The following KIF1B variants were observed in gnomAD, a reference collection of about 807,000 sequenced individuals.
The protein encoded by KIF1B is kinesin family member 1B, also known as kinesin-like protein KIF1B.
A neutral mutation model predicts 241.9 loss-of-function variants in KIF1B; 76 were observed. That is an observed-to-expected ratio of 0.31 (90% CI 0.26 to 0.38). The LOEUF is 0.38. Among genes scored for constraint, KIF1B ranks in the 10% least tolerant of loss-of-function variants. The pLI, the probability that KIF1B is intolerant of heterozygous loss-of-function variation, is 1.00. For synonymous variants in KIF1B, 750 were observed against 796.7 expected (o/e 0.94, Z 0.99); for missense variants, 1,622 against 2,271.4 (o/e 0.71, Z 5.81).
At position 10,379,518 on chromosome 1, in the gene KIF1B, T is replaced by C. The variant is rs187545867; in HGVS notation, c.*2931T>C. 5 of 231,942 alleles carry C rather than the reference T, an allele frequency of 2.2e-5. No homozygotes were observed. In the Admixed American group the frequency reaches 2.8e-4, roughly 13 times the overall value. The allele number at this position is 231,942 out of a possible 1,614,324, so 14.4% of individuals were successfully genotyped here. A position where few individuals can be genotyped will look rare whatever the true frequency, so the allele number is the denominator to read the frequency against. On this transcript the variant is annotated 3_prime_UTR_variant, in exon 49 of 49. Coordinates refer to ENST00000676179, the MANE Select transcript of KIF1B (RefSeq NM_001365951.3). ...CCCCACTGTGAGGCTGTGAGAGATT[T>C]GTGGCAGGAACTGTTTATGAGGCTC...
At chr1:10,327,578 G>A (rs1178365014) in intron 27 of KIF1B, among the ~76,000 whole-genome samples, 1 of 151,828 alleles carries the variant, frequency 6.6e-6, no homozygotes, top group Non-Finnish European at 1.5e-5. Context: ...TCACCAAACT[G>A]AGGCATTGTC....
chr1:10,356,108 C>A (rs1435963458), intron 38 of KIF1B, among the ~76,000 whole-genome samples: 1 of 152,192 alleles, frequency 6.6e-6, no homozygotes, highest in Non-Finnish European at 1.5e-5. Flanking sequence ...TGGCTCACAC[C>A]TGTAATCCCA....
chr1:10,257,507 A>T (rs74889870), intron 3 of KIF1B, among the ~76,000 whole-genome samples: 3 of 151,474 alleles, frequency 2.0e-5, no homozygotes, highest in Non-Finnish European at 4.4e-5. Context: ...CTGCAGATCC[A>T]CAAGGGAAAC....
In KIF1B at chr1:10,378,658, C is replaced by T. The variant is rs1049435952; in HGVS notation, c.*2071C>T. 3.8e-6 allele frequency: 2 copies of T among 531,462 alleles called. No individual in the cohort carries two copies. The highest frequency in any genetic ancestry group is 6.8e-6 in the Non-Finnish European group (2 of 295,786). The allele number at this position is 531,462 out of a possible 1,614,324, so 32.9% of individuals were successfully genotyped here. ...GCAAAGGCCAGGGGCTTGCGCGCCT[C>T]TGCAGAGTTGTTGCTAGGGAGACTT... On this transcript the variant is annotated 3_prime_UTR_variant, in exon 49 of 49. Transcript: ENST00000676179.
intron 41 of KIF1B, among the ~76,000 whole-genome samples, chr1:10,364,502 C>T (rs1014975475): frequency 2.3e-5 from 2 of 87,520 alleles, no homozygotes; most frequent in Admixed American, 1.4e-4. Flanking sequence ...TCACGCCCGG[C>T]CCCATAGTGT....
In KIF1B at chr1:10,278,530, T is replaced by C. The variant is rs1159429710; in HGVS notation, c.1180+402T>C. ...CATGGGTTGCTCTGGATTAGTGTCGTGGCAGTAATATAAGAAACGCACCAT... is the reference window on the plus strand; with the variant it reads ...CATGGGTTGCTCTGGATTAGTGTCGCGGCAGTAATATAAGAAACGCACCAT... On this transcript the variant is annotated intron_variant, in intron 13 of 48. Transcript: ENST00000676179. 4 of 240,488 alleles carry C rather than the reference T, an allele frequency of 1.7e-5. No individual in the cohort carries two copies. In the East Asian group the frequency reaches 4.7e-4, roughly 28 times the overall value. 14.9% of individuals were successfully genotyped at this position (240,488 alleles called of 1,614,324 possible). A position where few individuals can be genotyped will look rare whatever the true frequency, so the allele number is the denominator to read the frequency against.
chr1:10,368,748 G>T (rs1237817242), intron 44 of KIF1B, among the ~76,000 whole-genome samples: 1 of 152,158 alleles, frequency 6.6e-6, no homozygotes, highest in East Asian at 1.9e-4. Context: ...GTACTCCTTT[G>T]TGTCTCTTAG....
intron 7 of KIF1B, 89 bp from the exon 8 acceptor site, chr1:10,271,413 A>C: frequency 1.1e-6 from 1 of 942,204 alleles, no homozygotes; most frequent in Admixed American, 1.7e-5. Context: ...TCCATACCTT[A>C]ATCTTTTAAA....
At chr1:10,260,370 G>A (rs1288288406) in intron 4 of KIF1B, among the ~76,000 whole-genome samples, 2 of 152,208 alleles carry the variant, frequency 1.3e-5, no homozygotes, top group Non-Finnish European at 2.9e-5. Flanking sequence ...TGAGCAAGTG[G>A]TGAGTAAATG....
chr1:10,340,535 G>A (rs1381644943), intron 32 of KIF1B, among the ~76,000 whole-genome samples: 3 of 152,204 alleles, frequency 2.0e-5, no homozygotes. Flanking sequence ...TGAGATGACT[G>A]AAGCATAGAG....
chr1:10,296,197 AT>A (rs1650254309), intron 19 of KIF1B, among the ~76,000 whole-genome samples: 1 of 152,220 alleles, frequency 6.6e-6, no homozygotes, highest in Non-Finnish European at 1.5e-5. Context: ...TTTCTGTTAT[AT>A]AAGTCACTCA....
chr1:10,244,315 C>CTTTT (rs571243520), intron 2 of KIF1B, among the ~76,000 whole-genome samples: 1 of 127,538 alleles, frequency 7.8e-6, no homozygotes, highest in Non-Finnish European at 1.7e-5. Context: ...TTTTTCTTTT[C>CTTTT]TTTTTTTTTT....
chr1:10,295,166 G>A lies in KIF1B; in HGVS notation c.1670+1G>A. On this transcript the variant is annotated splice_donor_variant, in intron 18 of 48. Transcript: ENST00000676179. LOFTEE classifies it high-confidence loss of function. ...ATTACATCAAAGATGGAATTACAAG[G>A]TATATTTATTTCCTGTTTTGGTCAC... 6.4e-7 allele frequency: 1 copy of A among 1,564,314 alleles called. No individual in the cohort carries two copies. The highest frequency in any genetic ancestry group is 8.8e-7 in the Non-Finnish European group (1 of 1,134,564).
chr1:10,250,067 T>G (rs1647352622), intron 2 of KIF1B, among the ~76,000 whole-genome samples: 1 of 152,156 alleles, frequency 6.6e-6, no homozygotes, highest in African/African-American at 2.4e-5. Context: ...CACCTTGGCC[T>G]CCTAAAGTGT....
At chr1:10,261,243 C>T (rs899324041) in intron 4 of KIF1B, among the ~76,000 whole-genome samples, 8 of 150,756 alleles carry the variant, frequency 5.3e-5, no homozygotes, top group African/African-American at 2.0e-4. Flanking sequence ...CTGAGATTTA[C>T]AGGCGTGAGC....
At position 10,376,860 on chromosome 1, in the gene KIF1B, C is replaced by CACACAT. The variant is rs896143713; in HGVS notation, c.*278_*279insTACACA. ...ACACACACACACACACACACACACA[C>CACACAT]ACACACATACACAGACAAAAACACA... is the stretch of plus-strand genomic sequence containing the variant. On this transcript the variant is annotated 3_prime_UTR_variant, in exon 49 of 49. Coordinates refer to ENST00000676179, the MANE Select transcript of KIF1B (RefSeq NM_001365951.3). 4.0e-5 allele frequency: 18 copies of CACACAT among 454,550 alleles called. No homozygotes were observed. The highest frequency in any genetic ancestry group is 3.5e-4 in the African/African-American group (18 of 50,908). 28.2% of individuals were successfully genotyped at this position (454,550 alleles called of 1,614,324 possible). A position where few individuals can be genotyped will look rare whatever the true frequency, so the allele number is the denominator to read the frequency against.
intron 1 of KIF1B, among the ~76,000 whole-genome samples, chr1:10,225,343 G>A (rs180830542): frequency 6.6e-6 from 1 of 152,126 alleles, no homozygotes; most frequent in African/African-American, 2.4e-5. Context: ...AAATTAGCCG[G>A]GCATGGTGGT....
chr1:10,268,130 G>A, intron 6 of KIF1B, 22 bp from the exon 7 acceptor site: 3 of 1,518,682 alleles, frequency 2.0e-6, no homozygotes, highest in Non-Finnish European at 2.7e-6. Context: ...CTTGTCACGT[G>A]GTCACCTTTA....
intron 8 of KIF1B, 77 bp downstream of exon 8, chr1:10,271,656 C>T: frequency 2.1e-6 from 2 of 966,948 alleles, no homozygotes; most frequent in East Asian, 2.4e-5. Flanking sequence ...TTTATTGAAA[C>T]ACAGCTACAT....
Sources: gnomAD v4.1 joint callset for allele counts (sites outside exome capture counted in the v4.1 genomes callset) on GRCh38, gnomAD v4.1.1 for gene constraint, MANE v1.5 for transcripts, NCBI Gene and HGNC (gene_info 2026-07-23, HGNC 2026-07-21) for gene names.